EGFR: variants seen among roughly 807,000 people sequenced by gnomAD.
EGFR encodes the protein epidermal growth factor receptor, also known as avian erythroblastic leukemia viral (v-erb-b) oncogene homolog.
EGFR carries 58 observed loss-of-function variants against 143.0 expected under a neutral mutation model. The observed-to-expected ratio is 0.41, with a 90% CI of 0.33 to 0.50. The LOEUF is 0.50. Among genes scored for constraint, EGFR ranks in the 20% least tolerant of loss-of-function variants. The probability of loss-of-function intolerance (pLI) is 0.39; values close to 1 mark genes in which losing one functional copy is unlikely to be tolerated. For synonymous variants in EGFR, 613 were observed against 594.4 expected (o/e 1.03, Z -0.45); for missense variants, 1,307 against 1,579.0 (o/e 0.83, Z 2.92).
intron 1 of EGFR, among the ~76,000 whole-genome samples, chr7:55,056,766 G>A (rs114131150): frequency 0.01 from 1,555 of 152,320 alleles, 31 homozygotes; most frequent in African/African-American, 0.036. Flanking sequence ...AAAAAGATCT[G>A]GGTGTTTTCA....
intron 1 of EGFR, among the ~76,000 whole-genome samples, chr7:55,061,171 A>T (rs1469723381): frequency 6.6e-6 from 1 of 152,228 alleles, no homozygotes; most frequent in Non-Finnish European, 1.5e-5. Flanking sequence ...CCTTTTATGT[A>T]ATTGGCCACT....
intron 1 of EGFR, among the ~76,000 whole-genome samples, chr7:55,061,645 T>TGAGAGA (rs1431367339): frequency 3.7e-5 from 4 of 108,624 alleles, no homozygotes; most frequent in Admixed American, 8.9e-5. Flanking sequence ...TGTGTGTGTG[T>TGAGAGA]GTGTGAGAGA....
intron 1 of EGFR, among the ~76,000 whole-genome samples, chr7:55,058,482 A>G (rs1788969740): frequency 6.6e-6 from 1 of 152,236 alleles, no homozygotes. Context: ...GATAGACTGC[A>G]TAAAGAAAAT....
At chr7:55,183,947 G>C (rs960009172) in intron 20 of EGFR, among the ~76,000 whole-genome samples, 1 of 152,208 alleles carries the variant, frequency 6.6e-6, no homozygotes, top group Non-Finnish European at 1.5e-5. Flanking sequence ...AGAGGTGGTC[G>C]GGCCATCCGT....
chr7:55,038,772 C>T (rs2128868137), intron 1 of EGFR, among the ~76,000 whole-genome samples: 1 of 152,200 alleles, frequency 6.6e-6, no homozygotes, highest in South Asian at 2.1e-4. Flanking sequence ...GTAAACCTCA[C>T]CTTGCAATAT....
In EGFR at chr7:55,142,148, T is replaced by G. The variant is rs940749000; in HGVS notation, c.89-138T>G. On this transcript the variant is annotated intron_variant, in intron 1 of 27. Coordinates refer to ENST00000275493, the MANE Select transcript of EGFR (RefSeq NM_005228.5). ...TAGTAAGCTTTGCGCCCAGATGACC[T>G]GGGCAGGAATGGGTGAGTCTCTGTG... The G allele has an allele frequency of 9.0e-6, 9 of 1,000,132 alleles. No individual in the cohort carries two copies. In the African/African-American group the frequency reaches 1.4e-4, roughly 16 times the overall value. The allele number at this position is 1,000,132 out of a possible 1,614,324, so 62.0% of individuals were successfully genotyped here.
At chr7:55,181,609 C>T (rs972923953) in intron 20 of EGFR, 131 bp downstream of exon 20, 1 of 1,086,822 alleles carries the variant, frequency 9.2e-7, no homozygotes, top group African/African-American at 1.5e-5. Context: ...ACACACATTC[C>T]TTTATTTTGG....
At chr7:55,101,093 T>C (rs2128901288) in intron 1 of EGFR, among the ~76,000 whole-genome samples, 1 of 152,278 alleles carries the variant, frequency 6.6e-6, no homozygotes, top group Middle Eastern at 3.4e-3. Context: ...CTCTGACAAC[T>C]CTGCTCCTTC....
At chr7:55,167,748 G>C (rs1325907114) in intron 15 of EGFR, among the ~76,000 whole-genome samples, 1 of 152,168 alleles carries the variant, frequency 6.6e-6, no homozygotes. Flanking sequence ...GACGGTGATT[G>C]AGACATGATG....
chr7:55,103,510 A>G (rs1451436461), intron 1 of EGFR, among the ~76,000 whole-genome samples: 2 of 152,256 alleles, frequency 1.3e-5, no homozygotes, highest in Non-Finnish European at 2.9e-5. Flanking sequence ...TTGCATTCAG[A>G]GACTAAGTGA....
At chr7:55,039,834 G>A (rs1251368757) in intron 1 of EGFR, among the ~76,000 whole-genome samples, 1 of 152,202 alleles carries the variant, frequency 6.6e-6, no homozygotes, top group Non-Finnish European at 1.5e-5. Flanking sequence ...CTCAGCTGTT[G>A]ATAATGAGGG....
chr7:55,206,268 G>A lies in EGFR; in HGVS notation c.*651G>A, dbSNP rs1273946059. Reference sequence around the variant, plus strand: ...ACGGAGGGGATGGAATTCTTCCTTAGACTTACTTTTGTAAAAATGTCCCCA... The same window carrying A: ...ACGGAGGGGATGGAATTCTTCCTTAAACTTACTTTTGTAAAAATGTCCCCA... On this transcript the variant is annotated 3_prime_UTR_variant, in exon 28 of 28. Coordinates refer to ENST00000275493, the MANE Select transcript of EGFR (RefSeq NM_005228.5). The A allele has an allele frequency of 1.7e-5, 4 of 235,764 alleles. No individual in the cohort carries two copies. Among genetic ancestry groups the A allele is most frequent in the Middle Eastern group, 1.2e-3 (1 of 812 alleles). The allele number at this position is 235,764 out of a possible 1,614,324, so 14.6% of individuals were successfully genotyped here. A position where few individuals can be genotyped will look rare whatever the true frequency, so the allele number is the denominator to read the frequency against.
intron 1 of EGFR, among the ~76,000 whole-genome samples, chr7:55,114,879 C>CTTTT (rs777244842): frequency 2.4e-5 from 3 of 122,764 alleles, no homozygotes; most frequent in African/African-American, 3.1e-5. Flanking sequence ...TTGTATTATT[C>CTTTT]TTTTTTTTTT....
chr7:55,164,922 C>T (rs542615724), intron 14 of EGFR, among the ~76,000 whole-genome samples: 1 of 152,296 alleles, frequency 6.6e-6, no homozygotes, highest in Admixed American at 6.5e-5. Context: ...TTAACTTCAA[C>T]TATAATATGC....
At chr7:55,136,469 A>G (rs17336289) in intron 1 of EGFR, among the ~76,000 whole-genome samples, 37,766 of 152,092 alleles carry the variant, frequency 0.25, 5,069 homozygotes, top group African/African-American at 0.3. Context: ...CTTTGGTCAC[A>G]TGGCCATCCA....
At chr7:55,151,784 G>C (rs1473632756) in intron 5 of EGFR, among the ~76,000 whole-genome samples, 1 of 152,220 alleles carries the variant, frequency 6.6e-6, no homozygotes, top group East Asian at 1.9e-4. Context: ...TGAGGCAGGA[G>C]AATGGCATGA....
At chr7:55,170,982 G>T (rs1786321683) in intron 15 of EGFR, 193 bp from the exon 16 acceptor site, 1 of 1,451,928 alleles carries the variant, frequency 6.9e-7, no homozygotes, top group African/African-American at 1.4e-5. Flanking sequence ...AAAAATATTT[G>T]CTGAGTGAAT....
intron 16 of EGFR, among the ~76,000 whole-genome samples, chr7:55,172,462 C>T (rs149175109): frequency 2.0e-4 from 30 of 152,254 alleles, no homozygotes; most frequent in African/African-American, 6.3e-4. Flanking sequence ...CTTTCAAGCT[C>T]GTTCAGAGAG....
intron 9 of EGFR, 35 bp from the exon 10 acceptor site, chr7:55,156,724 T>C (rs750162561): frequency 3.1e-6 from 5 of 1,614,186 alleles, no homozygotes; most frequent in East Asian, 4.5e-5. Flanking sequence ...CTGGTAGAGA[T>C]TGGTGATCAA....
Sources: allele counts gnomAD v4.1 joint callset (sites outside exome capture counted in the v4.1 genomes callset), GRCh38; gene constraint gnomAD v4.1.1; transcripts MANE v1.5; gene names NCBI Gene and HGNC (gene_info 2026-07-23, HGNC 2026-07-21).